The following EXOC6B variants were observed in gnomAD, a reference collection of about 807,000 sequenced individuals.
EXOC6B encodes SEC15 homolog B.
In EXOC6B, 54 loss-of-function variants were observed where a neutral mutation model predicts 113.5. That is an observed-to-expected ratio of 0.48 (90% CI 0.38 to 0.60). EXOC6B has a LOEUF of 0.60. EXOC6B is among the 20% of genes least tolerant of loss of function. The probability of loss-of-function intolerance (pLI) is 0.00; values close to 1 mark genes in which losing one functional copy is unlikely to be tolerated. For missense variants in EXOC6B, 797 were observed against 977.5 expected (o/e 0.82, Z 2.46); for synonymous variants, 357 against 339.0 (o/e 1.05, Z -0.58).
intron 18 of EXOC6B, among the ~76,000 whole-genome samples, chr2:72,405,592 C>T (rs1012765893): frequency 6.6e-6 from 1 of 152,122 alleles, no homozygotes; most frequent in African/African-American, 2.4e-5. Flanking sequence ...ATTTCATATC[C>T]AGCAAAACGA....
intron 6 of EXOC6B, among the ~76,000 whole-genome samples, chr2:72,635,643 A>C (rs866286322): frequency 2.0e-5 from 3 of 152,184 alleles, no homozygotes; most frequent in South Asian, 2.1e-4. Context: ...AGAAGAATTA[A>C]CACCAATTCT....
At chr2:72,804,185 A>G (rs1302197988) in intron 1 of EXOC6B, among the ~76,000 whole-genome samples, 2 of 152,210 alleles carry the variant, frequency 1.3e-5, no homozygotes, top group Non-Finnish European at 2.9e-5. Context: ...TGATTCTAGG[A>G]TGTAGAAAAA....
intron 19 of EXOC6B, among the ~76,000 whole-genome samples, chr2:72,350,956 A>G (rs922828524): frequency 6.6e-6 from 1 of 152,080 alleles, no homozygotes; most frequent in Admixed American, 6.5e-5. Flanking sequence ...AGCCCTCACA[A>G]ATGCTTTTGT....
chr2:72,712,728 A>T (rs781561882), intron 6 of EXOC6B, among the ~76,000 whole-genome samples: 5 of 152,190 alleles, frequency 3.3e-5, no homozygotes, highest in Non-Finnish European at 7.3e-5. Context: ...CCCTGATTAG[A>T]TCAAGCCCAC....
chr2:72,423,739 A>G (rs1199508336), intron 18 of EXOC6B, among the ~76,000 whole-genome samples: 1 of 152,152 alleles, frequency 6.6e-6, no homozygotes, highest in African/African-American at 2.4e-5. Flanking sequence ...GTGCATGCAC[A>G]TACATACACG....
intron 6 of EXOC6B, among the ~76,000 whole-genome samples, chr2:72,699,061 G>C (rs575891784): frequency 8.5e-5 from 13 of 152,170 alleles, no homozygotes; most frequent in Non-Finnish European, 1.3e-4. Context: ...TTCTAAAAAA[G>C]AAGGTTCATG....
At chr2:72,812,020 C>CAT (rs1685952360) in intron 1 of EXOC6B, among the ~76,000 whole-genome samples, 1 of 152,168 alleles carries the variant, frequency 6.6e-6, no homozygotes, top group South Asian at 2.1e-4. Flanking sequence ...CCAGTCTTAG[C>CAT]ATAGTCCTAG....
At chr2:72,501,565 A>G (rs1340894097) in intron 11 of EXOC6B, among the ~76,000 whole-genome samples, 1 of 152,036 alleles carries the variant, frequency 6.6e-6, no homozygotes, top group Non-Finnish European at 1.5e-5. Flanking sequence ...TTACGAACCT[A>G]GTAGTCAAGC....
chr2:72,754,605 CT>C (rs961356094), intron 1 of EXOC6B, among the ~76,000 whole-genome samples: 111 of 145,938 alleles, frequency 7.6e-4, no homozygotes, highest in African/African-American at 1.6e-3. Flanking sequence ...TTTTTAATAG[CT>C]TTTTTTTTTC....
intron 6 of EXOC6B, among the ~76,000 whole-genome samples, chr2:72,581,561 G>A (rs893348918): frequency 1.3e-5 from 2 of 151,972 alleles, no homozygotes; most frequent in African/African-American, 2.4e-5. Flanking sequence ...TATTTAAATC[G>A]AGGAAGGTGG....
intron 1 of EXOC6B, among the ~76,000 whole-genome samples, chr2:72,807,476 TCTG>T (rs1328075621): frequency 1.3e-5 from 2 of 152,224 alleles, no homozygotes; most frequent in Admixed American, 6.5e-5. Flanking sequence ...CTTTGTTCTT[TCTG>T]CTTAGGTATG....
At chr2:72,579,979 A>T (rs1272753416) in intron 6 of EXOC6B, among the ~76,000 whole-genome samples, 3 of 150,542 alleles carry the variant, frequency 2.0e-5, no homozygotes, top group African/African-American at 4.9e-5. Flanking sequence ...CTATATATAT[A>T]AAAAAAAATT....
chr2:72,215,242 T>C (rs1159172386), intron 20 of EXOC6B, among the ~76,000 whole-genome samples: 2 of 152,176 alleles, frequency 1.3e-5, no homozygotes, highest in Non-Finnish European at 2.9e-5. Context: ...GGTTCTCCTT[T>C]GAGGTAGGAT....
intron 2 of EXOC6B, among the ~76,000 whole-genome samples, chr2:72,734,128 G>T (rs952016641): frequency 5.9e-5 from 9 of 152,134 alleles, no homozygotes; most frequent in Non-Finnish European, 1.0e-4. Flanking sequence ...TTTAACTGAA[G>T]ATCTTCTCAA....
intron 11 of EXOC6B, among the ~76,000 whole-genome samples, chr2:72,508,752 TGACAGGCAA>T (rs1700744482): frequency 6.6e-6 from 1 of 151,914 alleles, no homozygotes; most frequent in Non-Finnish European, 1.5e-5. Flanking sequence ...CCAGCCTGGG[TGACAGGCAA>T]GACTCTGTCT....
At chr2:72,514,717 GT>G in intron 9 of EXOC6B, 37 bp from the exon 10 acceptor site, 1 of 1,380,964 alleles carries the variant, frequency 7.2e-7, no homozygotes, top group Non-Finnish European at 9.9e-7. Flanking sequence ...TATTGTTTCT[GT>G]TTTGTTACAT....
Position 72,496,564 on chromosome 2 carries a change from A to G in EXOC6B, c.1338-5T>C. 6.4e-7 allele frequency: 1 copy of G among 1,550,968 alleles called. No individual in the cohort carries two copies. Among genetic ancestry groups the G allele is most frequent in the East Asian group, 2.3e-5 (1 of 44,082 alleles). ...TTGTCAGAATCAAGTATGTTTCTAT[A>G]AATGGAAGGATAGACAAAGGGAAGG... is the stretch of plus-strand genomic sequence containing the variant. On this transcript the variant is annotated splice_polypyrimidine_tract_variant and splice_region_variant and intron_variant, in intron 13 of 21. Transcript: ENST00000272427.
intron 20 of EXOC6B, among the ~76,000 whole-genome samples, chr2:72,320,703 G>C (rs923026117): frequency 6.6e-6 from 1 of 152,006 alleles, no homozygotes; most frequent in African/African-American, 2.4e-5. Flanking sequence ...CAGAGCGTGA[G>C]ACATGAAAAA....
At chr2:72,591,946 T>A (rs910700450) in intron 6 of EXOC6B, among the ~76,000 whole-genome samples, 1 of 152,042 alleles carries the variant, frequency 6.6e-6, no homozygotes, top group Non-Finnish European at 1.5e-5. Context: ...AATTAATTTT[T>A]AAAAACCATG....
Sources: allele counts gnomAD v4.1 joint callset (sites outside exome capture counted in the v4.1 genomes callset), GRCh38; gene constraint gnomAD v4.1.1; transcripts MANE v1.5; gene names NCBI Gene and HGNC (gene_info 2026-07-23, HGNC 2026-07-21).